The following ZRANB3 variants were observed in gnomAD, a reference collection of about 807,000 sequenced individuals.
ZRANB3 encodes zinc finger RANBP2-type containing 3, also known as DNA annealing helicase and endonuclease ZRANB3.
In ZRANB3, 125 loss-of-function variants were observed where a neutral mutation model predicts 133.8. That is an observed-to-expected ratio of 0.93 (90% confidence interval 0.81 to 1.08). ZRANB3 has a LOEUF of 1.08. ZRANB3 is among the 50% of genes least tolerant of loss of function. The pLI is 0.00. For missense variants in ZRANB3, 1,229 were observed against 1,275.5 expected (o/e 0.96, Z 0.56); for synonymous variants, 387 against 432.7 (o/e 0.89, Z 1.31).
Position 135,455,346 on chromosome 2 carries a change from G to A in ZRANB3, c.161+48983C>T, listed in dbSNP as rs186890830. Among the ~76,000 whole-genome samples the A allele has an allele frequency of 6.2e-4, 94 of 151,192 alleles. No homozygotes were observed. The East Asian group carries it at 0.017, about 28-fold the overall frequency. On this transcript the variant is annotated intron_variant, in intron 2 of 20. Coordinates refer to ENST00000264159, the MANE Select transcript of ZRANB3 (RefSeq NM_032143.4). ...TGGGATTACAGAAATGTGCCACCAC[G>A]CCTGGCTAATTTTGTATTTTTACTA...
At chr2:135,511,656 C>A (rs943976003) in intron 1 of ZRANB3, 5 of 770,422 alleles carry the variant, frequency 6.5e-6, no homozygotes, top group Non-Finnish European at 1.2e-5. Flanking sequence ...TAGACAGAAG[C>A]CCCAACACCT....
intron 1 of ZRANB3, among the ~76,000 whole-genome samples, chr2:135,525,848 CAAAAA>C (rs557386914): frequency 3.0e-5 from 2 of 67,056 alleles, no homozygotes; most frequent in Non-Finnish European, 7.1e-5. Context: ...AACTCTGTCT[CAAAAA>C]AAAAAAAAAA....
chr2:135,455,171 C>CT (rs1166170814), intron 2 of ZRANB3, among the ~76,000 whole-genome samples: 920 of 37,540 alleles, frequency 0.025, 172 homozygotes, highest in East Asian at 0.043. Flanking sequence ...CCTTCTTATA[C>CT]TTTTTTTTTT....
At chr2:135,258,189 G>A (rs1343471741) in intron 12 of ZRANB3, among the ~76,000 whole-genome samples, 1 of 152,066 alleles carries the variant, frequency 6.6e-6, no homozygotes, top group East Asian at 1.9e-4. Context: ...GTGGCTGCAA[G>A]AAATAACAAC....
chr2:135,423,731 G>A (rs991056915), intron 2 of ZRANB3, among the ~76,000 whole-genome samples: 103 of 152,284 alleles, frequency 6.8e-4, no homozygotes, highest in African/African-American at 2.4e-3. Context: ...AAAATTTGAG[G>A]AAAACTTTCA....
At chr2:135,405,159 G>C (rs1443256533) in intron 2 of ZRANB3, among the ~76,000 whole-genome samples, 1 of 152,058 alleles carries the variant, frequency 6.6e-6, no homozygotes, top group African/African-American at 2.4e-5. Context: ...AAAAAGGCAG[G>C]GGTTGCAATC....
At position 135,249,282 on chromosome 2, in the gene ZRANB3, A is replaced by C. The variant is rs544338101; in HGVS notation, c.1539+16252T>G. Among the ~76,000 whole-genome samples, 503 of 152,376 alleles carry C rather than the reference A, an allele frequency of 3.3e-3. 5 individuals are homozygous for C. The highest frequency in any genetic ancestry group is 7.9e-3 in the South Asian group (38 of 4,830). ...AGGAATAGAAATCATTCTACCATAA[A>C]GGCACATGCACAGGAATGTTCACTG... On this transcript the variant is annotated intron_variant, in intron 12 of 20. Transcript: ENST00000264159.
At chr2:135,426,239 C>T (rs1192534981) in intron 2 of ZRANB3, among the ~76,000 whole-genome samples, 2 of 152,026 alleles carry the variant, frequency 1.3e-5, no homozygotes, top group Non-Finnish European at 2.9e-5. Context: ...AATTGACAGC[C>T]AAATTCTACC....
At chr2:135,499,141 CT>C (rs1574209419) in intron 2 of ZRANB3, among the ~76,000 whole-genome samples, 1 of 152,122 alleles carries the variant, frequency 6.6e-6, no homozygotes, top group Non-Finnish European at 1.5e-5. Context: ...CATTTGATGT[CT>C]CCCCTGGACA....
intron 1 of ZRANB3, among the ~76,000 whole-genome samples, chr2:135,529,426 T>A (rs576112662): frequency 3.9e-5 from 6 of 152,328 alleles, no homozygotes; most frequent in African/African-American, 1.2e-4. Context: ...ATGTGGCCGA[T>A]GAATAAAGGC....
intron 9 of ZRANB3, among the ~76,000 whole-genome samples, chr2:135,274,040 G>C (rs1458906412): frequency 6.6e-6 from 1 of 152,158 alleles, no homozygotes; most frequent in African/African-American, 2.4e-5. Context: ...CTCTTAGAGG[G>C]TGTTTTTCAG....
In ZRANB3 at chr2:135,504,455, G is replaced by A. The variant is rs201054972; in HGVS notation, c.35C>T (p.Thr12Ile). ...PRVHNIKKSL[T>I]PHISCVTNES... is the part of the protein sequence containing the mutation. ...ATTTGTCACACAAGAAATGTGAGGT[G>A]TAAGAGACTTTTTTATGTTATGAAC... The change falls in exon 2 of 21, where the codon ACA becomes ATA. Residue 12 changes from threonine to isoleucine, a missense_variant. Thr to Ile is a moderately conservative substitution (Grantham distance 89). Transcript: ENST00000264159. 193 of 1,613,134 alleles carry A rather than the reference G, an allele frequency of 1.2e-4. No individual in the cohort carries two copies. In the African/African-American group the frequency reaches 2.1e-3, roughly 17 times the overall value.
chr2:135,239,696 A>T (rs2105080887), intron 12 of ZRANB3, among the ~76,000 whole-genome samples: 1 of 152,300 alleles, frequency 6.6e-6, no homozygotes, highest in African/African-American at 2.4e-5. Context: ...AGGGAAATTA[A>T]AGAAAGAGCG....
At chr2:135,430,696 T>C (rs1024510392) in intron 2 of ZRANB3, among the ~76,000 whole-genome samples, 1 of 152,154 alleles carries the variant, frequency 6.6e-6, no homozygotes, top group Admixed American at 6.5e-5. Flanking sequence ...CTAAACAACA[T>C]GGTATTTTTA....
intron 12 of ZRANB3, among the ~76,000 whole-genome samples, chr2:135,231,678 C>G (rs1456491119): frequency 6.6e-6 from 1 of 152,124 alleles, no homozygotes; most frequent in Non-Finnish European, 1.5e-5. Context: ...GTCCCAGCTA[C>G]TCGGGGAGCT....
At chr2:135,448,783 C>A (rs1690140612) in intron 2 of ZRANB3, among the ~76,000 whole-genome samples, 1 of 152,006 alleles carries the variant, frequency 6.6e-6, no homozygotes, top group African/African-American at 2.4e-5. Context: ...GGGAGAGGAC[C>A]CAAAATTGTA....
intron 6 of ZRANB3, among the ~76,000 whole-genome samples, chr2:135,323,455 A>G (rs1344885782): frequency 2.0e-5 from 3 of 152,208 alleles, no homozygotes; most frequent in Admixed American, 1.3e-4. Flanking sequence ...TCAGAGTGAA[A>G]TGATGATGAC....
Position 135,315,531 on chromosome 2 carries a change from C to T in ZRANB3, c.678-1G>A. On this transcript the variant is annotated splice_acceptor_variant, in intron 6 of 20. Coordinates refer to ENST00000264159, the MANE Select transcript of ZRANB3 (RefSeq NM_032143.4). LOFTEE classifies it high-confidence loss of function. ...CCACTGAGGTCTTTTACCAAAATAT[C>T]TGTTAAAATGAAGACAAAACATGTA... is the stretch of plus-strand genomic sequence containing the variant. The T allele has an allele frequency of 6.7e-7, 1 of 1,493,460 alleles. No individual in the cohort carries two copies. Among genetic ancestry groups the T allele is most frequent in the Non-Finnish European group, 8.9e-7 (1 of 1,124,404 alleles). 92.5% of individuals were successfully genotyped at this position (1,493,460 alleles called of 1,614,324 possible).
intron 2 of ZRANB3, among the ~76,000 whole-genome samples, chr2:135,453,997 G>A (rs577439523): frequency 4.6e-5 from 7 of 152,338 alleles, no homozygotes; most frequent in East Asian, 3.9e-4. Context: ...CCACATGACT[G>A]GGGAGGCCTC....
Sources: allele counts gnomAD v4.1 joint callset (sites outside exome capture counted in the v4.1 genomes callset), GRCh38; gene constraint gnomAD v4.1.1; transcripts MANE v1.5; gene names NCBI Gene and HGNC (gene_info 2026-07-23, HGNC 2026-07-21).